Variants in DLGAP2 observed in about 807,000 individuals in gnomAD.
The protein encoded by DLGAP2 is disks large-associated protein 2.
A neutral mutation model predicts 100.3 loss-of-function variants in DLGAP2; 26 were observed. The observed-to-expected ratio is 0.26, with a 90% CI of 0.19 to 0.36. The LOEUF (loss-of-function observed/expected upper bound fraction) is 0.36. Ranked by LOEUF, DLGAP2 falls within the 10% of genes least tolerant of loss-of-function variation. DLGAP2 has a pLI of 1.00. For missense variants in DLGAP2, 1,858 were observed against 1,453.2 expected, an observed-to-expected ratio of 1.28 and a Z score of -4.53; for synonymous variants, 886 against 630.1, an observed-to-expected ratio of 1.41 and a Z score of -6.08.
intron 2 of DLGAP2, among the ~76,000 whole-genome samples, chr8:1,182,687 T>C (rs1191916457): frequency 6.6e-6 from 1 of 152,204 alleles, no homozygotes; most frequent in African/African-American, 2.4e-5. Context: ...CGTAGGTCAC[T>C]GAGTCTGCCC....
At chr8:1,143,662 C>T (rs1037930355) in intron 2 of DLGAP2, among the ~76,000 whole-genome samples, 2 of 152,154 alleles carry the variant, frequency 1.3e-5, no homozygotes, top group Non-Finnish European at 2.9e-5. Flanking sequence ...CTTCCCTCAC[C>T]CACGCTCCCC....
intron 3 of DLGAP2, chr8:1,300,387 A>C (rs12679463): frequency 6.6e-6 from 1 of 152,132 alleles, no homozygotes; most frequent in Non-Finnish European, 1.5e-5. Context: ...CCCTCCCTAC[A>C]CTGGCGTTTG....
chr8:976,366 C>G (rs538666780), intron 2 of DLGAP2, among the ~76,000 whole-genome samples: 3 of 152,000 alleles, frequency 2.0e-5, no homozygotes, highest in Non-Finnish European at 4.4e-5. Flanking sequence ...AATCCTAGCA[C>G]TTTGGGAGAT....
intron 5 of DLGAP2, among the ~76,000 whole-genome samples, chr8:1,560,031 A>C (rs1802107128): frequency 6.6e-6 from 1 of 152,204 alleles, no homozygotes; most frequent in South Asian, 2.1e-4. Flanking sequence ...CATCTCCTGT[A>C]CCGAATTGTA....
At chr8:1,558,857 A>T (rs1461092119) in intron 5 of DLGAP2, among the ~76,000 whole-genome samples, 3 of 130,074 alleles carry the variant, frequency 2.3e-5, no homozygotes, top group African/African-American at 7.7e-5. Context: ...ACCTGCACAC[A>T]CACATACACA....
chr8:850,076 A>AC (rs1416385003), intron 1 of DLGAP2, among the ~76,000 whole-genome samples: 4 of 150,988 alleles, frequency 2.6e-5, no homozygotes, highest in Non-Finnish European at 4.4e-5. Flanking sequence ...AAAAAAAAAA[A>AC]AACTAGGTTG....
intron 1 of DLGAP2, among the ~76,000 whole-genome samples, chr8:837,247 C>T (rs150944244): frequency 4.0e-4 from 61 of 152,280 alleles, no homozygotes; most frequent in African/African-American, 1.4e-3. Context: ...GCCTGGTGTT[C>T]GAGGCAGCCT....
At chr8:1,600,434 A>G (rs2956944) in intron 6 of DLGAP2, among the ~76,000 whole-genome samples, 46,291 of 151,904 alleles carry the variant, frequency 0.3, 7,320 homozygotes, top group East Asian at 0.5. Context: ...GCTAGGTTGG[A>G]GAAGTTCTCC....
intron 3 of DLGAP2, among the ~76,000 whole-genome samples, chr8:1,439,729 T>C (rs1250581155): frequency 6.6e-6 from 1 of 152,090 alleles, no homozygotes; most frequent in African/African-American, 2.4e-5. Flanking sequence ...CTAGGCTGCT[T>C]TGGATGAGCC....
At chr8:1,639,590 G>T (rs1174166493) in intron 8 of DLGAP2, among the ~76,000 whole-genome samples, 1 of 152,234 alleles carries the variant, frequency 6.6e-6, no homozygotes, top group African/African-American at 2.4e-5. Context: ...CAAAGCAGGT[G>T]TGTTTGTCTC....
intron 2 of DLGAP2, among the ~76,000 whole-genome samples, chr8:1,170,190 G>A (rs1435991893): frequency 6.6e-6 from 1 of 152,172 alleles, no homozygotes; most frequent in Non-Finnish European, 1.5e-5. Flanking sequence ...TACATTTATT[G>A]ATTTGCGTAT....
intron 3 of DLGAP2, among the ~76,000 whole-genome samples, chr8:1,495,809 G>A (rs899824180): frequency 5.3e-5 from 8 of 152,282 alleles, no homozygotes; most frequent in Middle Eastern, 3.4e-3. Flanking sequence ...GATGACGTGC[G>A]ATTCACTAAT....
At chr8:1,534,756 G>A (rs1801097976) in intron 4 of DLGAP2, among the ~76,000 whole-genome samples, 1 of 147,460 alleles carries the variant, frequency 6.8e-6, no homozygotes, top group Admixed American at 6.8e-5. Flanking sequence ...GTGTGTTTGT[G>A]TGTGCATGTG....
intron 2 of DLGAP2, among the ~76,000 whole-genome samples, chr8:938,377 T>G (rs1799119649): frequency 6.6e-6 from 1 of 152,146 alleles, no homozygotes; most frequent in Non-Finnish European, 1.5e-5. Flanking sequence ...TTAAATTTTT[T>G]TGTAGAGACA....
intron 5 of DLGAP2, among the ~76,000 whole-genome samples, chr8:1,551,845 G>A (rs1333559965): frequency 6.6e-6 from 1 of 152,096 alleles, no homozygotes; most frequent in Non-Finnish European, 1.5e-5. Context: ...ATATCATCCT[G>A]GTCAGTGGTC....
chr8:1,416,128 G>C (rs1796875939), intron 3 of DLGAP2, among the ~76,000 whole-genome samples: 1 of 152,154 alleles, frequency 6.6e-6, no homozygotes, highest in East Asian at 1.9e-4. Flanking sequence ...GTGCTAAAGA[G>C]ACTTTTCAAA....
chr8:869,811 C>A (rs915269085), intron 1 of DLGAP2, among the ~76,000 whole-genome samples: 1 of 152,058 alleles, frequency 6.6e-6, no homozygotes. Flanking sequence ...GACGAGTGGG[C>A]GGGCCTGATG....
intron 2 of DLGAP2, among the ~76,000 whole-genome samples, chr8:1,155,753 G>T (rs1210144475): frequency 6.6e-6 from 1 of 152,174 alleles, no homozygotes; most frequent in Non-Finnish European, 1.5e-5. Flanking sequence ...GGAGCGCGGG[G>T]CCTTGGTCGG....
intron 4 of DLGAP2, among the ~76,000 whole-genome samples, chr8:1,525,189 GTCTT>G (rs1800751093): frequency 9.3e-6 from 1 of 107,348 alleles, no homozygotes. Context: ...GGACTCTGAT[GTCTT>G]TTTTTTTTTT....
Sources: allele counts gnomAD v4.1 joint callset (sites outside exome capture counted in the v4.1 genomes callset), GRCh38; gene constraint gnomAD v4.1.1; transcripts MANE v1.5; gene names NCBI Gene and HGNC (gene_info 2026-07-23, HGNC 2026-07-21).